The following LRRFIP1 variants were observed in gnomAD, a reference collection of about 807,000 sequenced individuals.
LRRFIP1 encodes LRR binding FLII interacting protein 1.
In LRRFIP1, 62 loss-of-function variants were observed where a neutral mutation model predicts 104.4. The ratio of observed to expected loss-of-function variants is 0.59; its 90% CI spans 0.48 to 0.73. LRRFIP1 has a LOEUF of 0.73. Ranked by LOEUF, LRRFIP1 falls within the 30% of genes least tolerant of loss-of-function variation. The pLI is 0.00. For synonymous variants in LRRFIP1, 300 were observed against 299.0 expected (o/e 1.00, Z -0.03); for missense variants, 796 against 824.5 (o/e 0.97, Z 0.42).
chr2:237,691,415 C>A lies in LRRFIP1; in HGVS notation c.97-17129C>A, dbSNP rs1471259749. 1.3e-5 allele frequency among the ~76,000 whole-genome samples: 2 copies of A among 152,178 alleles called. No homozygotes were observed. The highest frequency in any genetic ancestry group is 2.4e-5 in the African/African-American group (1 of 41,424). ...TGGACGGTGTGGACCCCGGGTTCTG[C>A]GACGCCAGATCGGCCCCAGCGGCCC... is the stretch of plus-strand genomic sequence containing the variant. On this transcript the variant is annotated intron_variant, in intron 1 of 23. Transcript: ENST00000308482. The surrounding 1 kb of genome is among the most constrained non-coding windows in gnomAD (Gnocchi z 5.4).
chr2:237,697,301 G>A (rs191337394), intron 1 of LRRFIP1, among the ~76,000 whole-genome samples: 7 of 152,292 alleles, frequency 4.6e-5, no homozygotes, highest in Non-Finnish European at 1.0e-4. Flanking sequence ...GGGATTACAG[G>A]CATGAGCCAC....
At chr2:237,631,029 A>G (rs1162726638) in intron 1 of LRRFIP1, among the ~76,000 whole-genome samples, 1 of 152,194 alleles carries the variant, frequency 6.6e-6, no homozygotes, top group African/African-American at 2.4e-5. Context: ...TGCCTGTGGC[A>G]AAGGGGGGTG....
chr2:237,639,592 G>A (rs2083613614), intron 1 of LRRFIP1, among the ~76,000 whole-genome samples: 1 of 152,084 alleles, frequency 6.6e-6, no homozygotes, highest in Admixed American at 6.5e-5. Context: ...GTTTATCTTT[G>A]GGCTTATCTG....
intron 11 of LRRFIP1, among the ~76,000 whole-genome samples, chr2:237,747,506 C>A (rs1010369590): frequency 6.6e-5 from 10 of 152,218 alleles, no homozygotes; most frequent in African/African-American, 2.4e-4. Context: ...AGCGTCTGTG[C>A]AGCTCAGGTG....
intron 15 of LRRFIP1, among the ~76,000 whole-genome samples, chr2:237,753,686 G>A (rs780976669): frequency 2.2e-4 from 33 of 151,666 alleles, no homozygotes; most frequent in Admixed American, 9.2e-4. Flanking sequence ...CAGCTACTTG[G>A]GAAGCTGAGG....
At chr2:237,769,695 T>C (rs764589570) in intron 19 of LRRFIP1, 3 of 485,966 alleles carry the variant, frequency 6.2e-6, no homozygotes, top group Non-Finnish European at 1.1e-5. Context: ...GGTAGAAGAT[T>C]AGCAGCCTGT....
chr2:237,660,834 G>C (rs2087777011), intron 1 of LRRFIP1, among the ~76,000 whole-genome samples: 1 of 152,018 alleles, frequency 6.6e-6, no homozygotes, highest in Admixed American at 6.5e-5. Flanking sequence ...ACAGCGCACG[G>C]TGCTACATGT....
chr2:237,679,062 C>T (rs2091504597), intron 1 of LRRFIP1, among the ~76,000 whole-genome samples: 1 of 152,184 alleles, frequency 6.6e-6, no homozygotes, highest in African/African-American at 2.4e-5. Context: ...CTCCCTGTCA[C>T]CACAGTAGAC....
intron 1 of LRRFIP1, among the ~76,000 whole-genome samples, chr2:237,706,727 C>T (rs2093829853): frequency 6.6e-6 from 1 of 152,166 alleles, no homozygotes. Context: ...TCCCAGGCTC[C>T]AGTGATCCTC....
Position 237,717,696 on chromosome 2 carries a change from C to A in LRRFIP1, c.202-66C>A. On this transcript the variant is annotated intron_variant, in intron 3 of 23. Transcript: ENST00000308482. The surrounding 1 kb of genome is among the most constrained non-coding windows in gnomAD (Gnocchi z 4.2). ...TTTGGAAATGCATGTCAGAACAGTG[C>A]CTTAGACAACTGCCTTTTTAAGAAA... The A allele has an allele frequency of 1.7e-6, 2 of 1,201,558 alleles. No individual in the cohort carries two copies. Among genetic ancestry groups the A allele is most frequent in the Non-Finnish European group, 2.5e-6 (2 of 803,652 alleles). 74.4% of individuals were successfully genotyped at this position (1,201,558 alleles called of 1,614,324 possible). A position where few individuals can be genotyped will look rare whatever the true frequency, so the allele number is the denominator to read the frequency against.
intron 1 of LRRFIP1, among the ~76,000 whole-genome samples, chr2:237,701,909 C>A (rs1025664792): frequency 6.6e-6 from 1 of 152,220 alleles, no homozygotes; most frequent in Non-Finnish European, 1.5e-5. Context: ...CGAGATGTCA[C>A]GCATGGGTCC....
rs1019917190 is a variant in LRRFIP1, at chr2:237,780,074, T to G, written c.*542T>G. The G allele has an allele frequency of 6.6e-6, 1 of 152,268 alleles. No individual in the cohort carries two copies. The highest frequency in any genetic ancestry group is 1.5e-5 in the Non-Finnish European group (1 of 68,116). 9.4% of individuals were successfully genotyped at this position (152,268 alleles called of 1,614,324 possible). The stretch of plus-strand genomic sequence containing the variant: ...TCTTTCACTGGAAACAAGGGGGCAG[T>G]CTAGAAGTAAAAGTGACCTTAAGAA... On this transcript the variant is annotated 3_prime_UTR_variant, in exon 24 of 24. Transcript: ENST00000308482.
rs879380897 is a variant in LRRFIP1 at position 237,661,523 on chromosome 2, G to C, written c.96+33783G>C. Among the ~76,000 whole-genome samples the C allele has an allele frequency of 4.6e-5, 7 of 152,118 alleles. No homozygotes were observed. The highest frequency in any genetic ancestry group is 2.9e-5 in the Non-Finnish European group (2 of 68,024). On this transcript the variant is annotated intron_variant, in intron 1 of 23. Transcript: ENST00000308482. This position sits in a 1 kb window ranked among gnomAD's most constrained non-coding sequence, Gnocchi z 4.4. ...ATCCCTTTCCTTCCACCTCGCTCTC[G>C]GCCCCTGGTTCACCTTCTGTTCCTG... is the stretch of plus-strand genomic sequence containing the variant.
chr2:237,767,536 T>C (rs931283527), intron 19 of LRRFIP1, among the ~76,000 whole-genome samples: 6 of 152,360 alleles, frequency 3.9e-5, no homozygotes, highest in African/African-American at 1.4e-4. Context: ...TTTTTACTTA[T>C]AGGTTGTTAT....
In LRRFIP1 at chr2:237,717,881, T is replaced by G. The variant is rs1281035525; in HGVS notation, c.249+72T>G. On this transcript the variant is annotated intron_variant, in intron 4 of 23. Coordinates refer to ENST00000308482, the MANE Select transcript of LRRFIP1 (RefSeq NM_001137550.2). This position sits in a 1 kb window ranked among gnomAD's most constrained non-coding sequence, Gnocchi z 4.2. ...AATACAGTGTTGAGACTTAAATGGT[T>G]TATAATGTAATTCTTACGCAGTTTA... 8.8e-7 allele frequency: 1 copy of G among 1,137,130 alleles called. No individual in the cohort carries two copies. Among genetic ancestry groups the G allele is most frequent in the East Asian group, 2.3e-5 (1 of 42,698 alleles). 70.4% of individuals were successfully genotyped at this position (1,137,130 alleles called of 1,614,324 possible).
Position 237,647,234 on chromosome 2 carries a change from CTT to C in LRRFIP1, c.96+19495_96+19496del, listed in dbSNP as rs553219550. ...GGCCTACAGTGACCACAGCTTCTCT[CTT>C]GGGCACACTGGAGGCCATTGGCGGT... On this transcript the variant is annotated intron_variant, in intron 1 of 23. Coordinates refer to ENST00000308482, the MANE Select transcript of LRRFIP1 (RefSeq NM_001137550.2). 1.7e-3 allele frequency among the ~76,000 whole-genome samples: 260 copies of C among 152,122 alleles called. 5 individuals are homozygous for C. Among genetic ancestry groups the C allele is most frequent in the Middle Eastern group, 6.8e-3 (2 of 294 alleles).
At chr2:237,702,248 G>A (rs183937078) in intron 1 of LRRFIP1, among the ~76,000 whole-genome samples, 6 of 151,910 alleles carry the variant, frequency 3.9e-5, no homozygotes, top group African/African-American at 1.4e-4. Flanking sequence ...AACTCGAGTC[G>A]TGGTTCGGCT....
chr2:237,720,692 T>C, intron 5 of LRRFIP1, 80 bp from the exon 6 acceptor site: 2 of 1,291,030 alleles, frequency 1.5e-6, no homozygotes, highest in Non-Finnish European at 2.3e-6. Flanking sequence ...GTTCCCAGCA[T>C]CCCCCTGAAA....
At chr2:237,775,909 A>G (rs1417027600) in intron 23 of LRRFIP1, among the ~76,000 whole-genome samples, 2 of 152,116 alleles carry the variant, frequency 1.3e-5, no homozygotes, top group African/African-American at 4.8e-5. Flanking sequence ...GGAGAAACCA[A>G]AGATGCCATT....
Sources: allele counts gnomAD v4.1 joint callset (sites outside exome capture counted in the v4.1 genomes callset), GRCh38; gene constraint gnomAD v4.1.1; non-coding constraint Gnocchi (gnomAD v3.1); transcripts MANE v1.5; gene names NCBI Gene and HGNC (gene_info 2026-07-23, HGNC 2026-07-21).